NRXN3: variants seen among roughly 807,000 people sequenced by gnomAD.
NRXN3 encodes neurexin 3, also known as neurexin III.
NRXN3 carries 32 observed loss-of-function variants against 137.6 expected under a neutral mutation model. That is an observed-to-expected ratio of 0.23 (90% CI 0.18 to 0.31). The LOEUF (loss-of-function observed/expected upper bound fraction) is 0.31, where lower values mean the gene tolerates loss of function less well. NRXN3 is among the 10% of genes least tolerant of loss of function. NRXN3 has a pLI of 1.00. For synonymous variants in NRXN3, 798 were observed against 784.5 expected (o/e 1.02, Z -0.29); for missense variants, 1,574 against 2,062.5 (o/e 0.76, Z 4.59).
intron 4 of NRXN3, among the ~76,000 whole-genome samples, chr14:78,623,044 TA>T (rs2152505616): frequency 6.6e-6 from 1 of 152,348 alleles, no homozygotes; most frequent in African/African-American, 2.4e-5. Flanking sequence ...TATTTTTCTC[TA>T]ATTTGCGGAT....
intron 15 of NRXN3, among the ~76,000 whole-genome samples, chr14:79,030,254 T>C (rs1460459048): frequency 6.6e-6 from 1 of 151,940 alleles, no homozygotes; most frequent in African/African-American, 2.4e-5. Context: ...AACATAATTG[T>C]CACAATAAAA....
chr14:78,208,432 T>G (rs1443516242), intron 1 of NRXN3, among the ~76,000 whole-genome samples: 1 of 152,212 alleles, frequency 6.6e-6, no homozygotes, highest in East Asian at 1.9e-4. Flanking sequence ...TGGATTCTTC[T>G]TCTTCACTCT....
At chr14:78,926,276 C>T (rs1872945851) in intron 10 of NRXN3, among the ~76,000 whole-genome samples, 1 of 151,716 alleles carries the variant, frequency 6.6e-6, no homozygotes, top group African/African-American at 2.4e-5. Flanking sequence ...AGTAAGAGTT[C>T]AACAACAGTA....
At chr14:79,123,737 A>G (rs1466717733) in intron 15 of NRXN3, among the ~76,000 whole-genome samples, 1 of 152,162 alleles carries the variant, frequency 6.6e-6, no homozygotes, top group Non-Finnish European at 1.5e-5. Context: ...GCTGGGATAT[A>G]AGTCAGGGAA....
At chr14:79,470,936 G>A (rs531747632) in intron 16 of NRXN3, among the ~76,000 whole-genome samples, 1,310 of 91,382 alleles carry the variant, frequency 0.014, 24 homozygotes, top group African/African-American at 0.059. Flanking sequence ...GAGAGAGAGA[G>A]AGAAAGAGAG....
At chr14:78,426,083 A>G (rs1788753842) in intron 4 of NRXN3, among the ~76,000 whole-genome samples, 3 of 152,212 alleles carry the variant, frequency 2.0e-5, no homozygotes, top group African/African-American at 7.2e-5. Flanking sequence ...TGGGGAGCAC[A>G]GGGGCCTGTC....
chr14:78,866,809 T>TG (rs2099087981), intron 10 of NRXN3, among the ~76,000 whole-genome samples: 2 of 150,142 alleles, frequency 1.3e-5, no homozygotes, highest in African/African-American at 2.5e-5. Flanking sequence ...TTTTTTTTTT[T>TG]TTTTTTGAGA....
At chr14:78,349,680 C>T (rs2083220260) in intron 4 of NRXN3, among the ~76,000 whole-genome samples, 3 of 152,142 alleles carry the variant, frequency 2.0e-5, no homozygotes, top group Admixed American at 2.0e-4. Flanking sequence ...AAAGATATGT[C>T]CCATCCTTGC....
chr14:79,540,241 G>C (rs1467868859), intron 16 of NRXN3, among the ~76,000 whole-genome samples: 1 of 86,426 alleles, frequency 1.2e-5, no homozygotes, highest in Non-Finnish European at 2.2e-5. Flanking sequence ...TATTCAGCTT[G>C]CATTTATTAT....
At chr14:78,987,019 C>CAAAAAAA (rs36081362) in intron 14 of NRXN3, among the ~76,000 whole-genome samples, 1 of 54,112 alleles carries the variant, frequency 1.8e-5, no homozygotes, top group Non-Finnish European at 4.2e-5. Flanking sequence ...GAGACTGTCT[C>CAAAAAAA]AAAAAAAAAA....
chr14:79,169,910 A>G (rs760619731), intron 15 of NRXN3, among the ~76,000 whole-genome samples: 2 of 152,046 alleles, frequency 1.3e-5, no homozygotes, highest in African/African-American at 4.8e-5. Context: ...CACAGGTGAG[A>G]TTGAGACTAC....
intron 17 of NRXN3, among the ~76,000 whole-genome samples, chr14:79,679,235 T>A (rs1048665209): frequency 1.3e-5 from 2 of 152,144 alleles, no homozygotes; most frequent in Admixed American, 6.5e-5. Flanking sequence ...TTATAAAATC[T>A]CTCTATACAC....
chr14:78,711,880 G>A (rs772927587), intron 7 of NRXN3, among the ~76,000 whole-genome samples: 55 of 152,146 alleles, frequency 3.6e-4, no homozygotes, highest in Non-Finnish European at 6.3e-4. Context: ...TCATGAGAAT[G>A]TTTTCTGGTA....
At chr14:78,986,479 G>A (rs1002958643) in intron 14 of NRXN3, among the ~76,000 whole-genome samples, 7 of 152,156 alleles carry the variant, frequency 4.6e-5, no homozygotes, top group African/African-American at 1.4e-4. Context: ...ATCTGTAAGA[G>A]AGAGATCATC....
In NRXN3 at chr14:79,766,033, AT is replaced by A. The variant is rs555121099; in HGVS notation, c.4015-39078del. Among the ~76,000 whole-genome samples the A allele has an allele frequency of 5.3e-5, 8 of 152,346 alleles. No individual in the cohort carries two copies. In the East Asian group the frequency reaches 1.5e-3, roughly 29 times the overall value. On this transcript the variant is annotated intron_variant, in intron 19 of 20. Coordinates refer to ENST00000335750, the MANE Select transcript of NRXN3 (RefSeq NM_001330195.2). Reference sequence around the variant, plus strand: ...ATATAAAATTAATCAATTTTTTAACATATAGCATACCTGTATTCAGGAACAT... The same window carrying A: ...ATATAAAATTAATCAATTTTTTAACAATAGCATACCTGTATTCAGGAACAT...
At chr14:78,854,553 C>A (rs533481634) in intron 10 of NRXN3, among the ~76,000 whole-genome samples, 41 of 152,014 alleles carry the variant, frequency 2.7e-4, no homozygotes, top group Non-Finnish European at 1.0e-4. Context: ...TTATTGAGCA[C>A]CTACAGTGTT....
At chr14:79,834,316 C>T (rs1003808331) in intron 20 of NRXN3, among the ~76,000 whole-genome samples, 12 of 152,138 alleles carry the variant, frequency 7.9e-5, no homozygotes, top group African/African-American at 2.9e-4. Context: ...ACTTCTGTTT[C>T]TGCCACCTTC....
intron 15 of NRXN3, among the ~76,000 whole-genome samples, chr14:79,225,110 T>C (rs1264336787): frequency 6.6e-6 from 1 of 152,030 alleles, no homozygotes; most frequent in Non-Finnish European, 1.5e-5. Context: ...GAGGCAGGAA[T>C]CCAAGAAGCA....
intron 4 of NRXN3, among the ~76,000 whole-genome samples, chr14:78,298,934 A>G (rs2076616717): frequency 6.6e-6 from 1 of 152,152 alleles, no homozygotes; most frequent in Non-Finnish European, 1.5e-5. Flanking sequence ...TTTGACATAA[A>G]CGGCAGTATC....
Sources: allele counts gnomAD v4.1 joint callset (sites outside exome capture counted in the v4.1 genomes callset), GRCh38; gene constraint gnomAD v4.1.1; transcripts MANE v1.5; gene names NCBI Gene and HGNC (gene_info 2026-07-23, HGNC 2026-07-21).